Variants in FNIP1 observed in about 807,000 individuals in gnomAD.
FNIP1 encodes folliculin interacting protein 1.
FNIP1 carries 40 observed loss-of-function variants against 124.5 expected under a neutral mutation model. The observed-to-expected ratio is 0.32, with a 90% CI of 0.25 to 0.42. The LOEUF (loss-of-function observed/expected upper bound fraction) is 0.42. Ranked by LOEUF, FNIP1 falls within the 10% of genes least tolerant of loss-of-function variation. The probability of loss-of-function intolerance (pLI) is 1.00; values close to 1 mark genes in which losing one functional copy is unlikely to be tolerated. For missense variants in FNIP1, 1,176 were observed against 1,403.7 expected, an observed-to-expected ratio of 0.84 and a Z score of 2.59; for synonymous variants, 472 against 470.6, an observed-to-expected ratio of 1.00 and a Z score of -0.04.
chr5:131,651,807 T>C lies in FNIP1; in HGVS notation c.3301A>G (p.Asn1101Asp). 1 of 1,613,966 alleles carries C rather than the reference T, an allele frequency of 6.2e-7. No homozygotes were observed. The highest frequency in any genetic ancestry group is 1.3e-5 in the African/African-American group (1 of 75,050). Reference protein sequence around the residue: ...LQLYKHNLSPNFCVMHLEDRL... With the variant: ...LQLYKHNLSPDFCVMHLEDRL... ...GCAGTGTTACACATACTTACAAAAT[T>C]TGGAGACAAGTTATGCTTATAAAGC... The change falls in exon 16 of 18, where the codon AAT (asparagine) becomes GAT (aspartate). Residue 1101 changes from asparagine (N) to aspartate (D), a missense_variant. By Grantham distance (23) the Asn-to-Asp change is conservative (BLOSUM62 1). Coordinates refer to ENST00000510461, the MANE Select transcript of FNIP1 (RefSeq NM_133372.3).
Position 131,703,998 on chromosome 5 carries a change from A to C in FNIP1, c.1116+67T>G, listed in dbSNP as rs1768989015. 3 of 1,320,598 alleles carry C rather than the reference A, an allele frequency of 2.3e-6. No individual in the cohort carries two copies. In the East Asian group the frequency reaches 7.5e-5, roughly 33 times the overall value. The allele number at this position is 1,320,598 out of a possible 1,614,324, so 81.8% of individuals were successfully genotyped here. A position where few individuals can be genotyped will look rare whatever the true frequency, so the allele number is the denominator to read the frequency against. Reference sequence around the variant, plus strand: ...TGTTAATTTTTCTGCCAAATTAATAAATATAATGCTTAATTGGGAGAATAA... The same window carrying C: ...TGTTAATTTTTCTGCCAAATTAATACATATAATGCTTAATTGGGAGAATAA... On this transcript the variant is annotated intron_variant, in intron 10 of 17. Coordinates refer to ENST00000510461, the MANE Select transcript of FNIP1 (RefSeq NM_133372.3).
chr5:131,688,702 T>TA (rs61408307), intron 11 of FNIP1, among the ~76,000 whole-genome samples: 84,002 of 130,160 alleles, frequency 0.65, 28,066 homozygotes, highest in Non-Finnish European at 0.76. Context: ...TGCTAGCAAT[T>TA]AAAAAAAAAA....
At chr5:131,772,785 C>T (rs1414982083) in intron 1 of FNIP1, among the ~76,000 whole-genome samples, 1 of 152,140 alleles carries the variant, frequency 6.6e-6, no homozygotes, top group Non-Finnish European at 1.5e-5. Flanking sequence ...CATGACCCTG[C>T]CCTCTCTAAC....
At chr5:131,767,710 GTA>G (rs1160753607) in intron 1 of FNIP1, among the ~76,000 whole-genome samples, 1 of 152,120 alleles carries the variant, frequency 6.6e-6, no homozygotes, top group Non-Finnish European at 1.5e-5. Flanking sequence ...CTGGAAGCCT[GTA>G]TATATAGTAA....
rs570093620 is a variant in FNIP1, at chr5:131,760,365, T to C, written c.93-15675A>G. On this transcript the variant is annotated intron_variant, in intron 1 of 17. Coordinates refer to ENST00000510461, the MANE Select transcript of FNIP1 (RefSeq NM_133372.3). ...GTTTGTATCTCAATACATTAAAAAT[T>C]GTCACCTATAAGGAAAATACCGAAA... 8.4e-4 allele frequency among the ~76,000 whole-genome samples: 128 copies of C among 152,306 alleles called. 1 individual carries two copies. In the South Asian group the frequency reaches 0.024, roughly 29 times the overall value.
chr5:131,771,358 A>T (rs1456275922), intron 1 of FNIP1, among the ~76,000 whole-genome samples: 1 of 152,178 alleles, frequency 6.6e-6, no homozygotes, highest in African/African-American at 2.4e-5. Context: ...AATAACCATC[A>T]TACTCTTAAG....
intron 1 of FNIP1, among the ~76,000 whole-genome samples, chr5:131,787,712 G>C (rs1208670312): frequency 1.3e-5 from 2 of 152,182 alleles, no homozygotes; most frequent in African/African-American, 4.8e-5. Flanking sequence ...TAGGTGTAAA[G>C]CACATAAAAC....
intron 2 of FNIP1, among the ~76,000 whole-genome samples, chr5:131,734,614 GAAAA>G (rs1373021773): frequency 2.0e-5 from 3 of 151,490 alleles, no homozygotes; most frequent in Non-Finnish European, 4.4e-5. Context: ...AAATTTACAA[GAAAA>G]AAAACAAACA....
At chr5:131,732,071 C>T (rs1770113711) in intron 2 of FNIP1, among the ~76,000 whole-genome samples, 1 of 151,998 alleles carries the variant, frequency 6.6e-6, no homozygotes, top group South Asian at 2.1e-4. Context: ...TCTCTTTTTC[C>T]TCCCCAACAG....
At chr5:131,779,794 T>C (rs1200516609) in intron 1 of FNIP1, among the ~76,000 whole-genome samples, 1 of 150,214 alleles carries the variant, frequency 6.7e-6, no homozygotes, top group Non-Finnish European at 1.5e-5. Flanking sequence ...ATATTTAAAA[T>C]AAGGTGGGGG....
intron 10 of FNIP1, among the ~76,000 whole-genome samples, chr5:131,699,989 CTTTTT>C (rs202023474): frequency 8.0e-6 from 1 of 124,528 alleles, no homozygotes; most frequent in Non-Finnish European, 1.7e-5. Context: ...GTAATATTTG[CTTTTT>C]TTTTTTTTTA....
chr5:131,722,935 T>C lies in FNIP1; in HGVS notation c.355-3518A>G, dbSNP rs559992747. ...TCTTGACCTCGTGATCCACCTACCT[T>C]GGCCTCCCAAAGTGCTGGGATTACA... On this transcript the variant is annotated intron_variant, in intron 3 of 17. Coordinates refer to ENST00000510461, the MANE Select transcript of FNIP1 (RefSeq NM_133372.3). Among the ~76,000 whole-genome samples the C allele has an allele frequency of 7.2e-5, 11 of 152,262 alleles. No homozygotes were observed. In the East Asian group the frequency reaches 1.7e-3, roughly 24 times the overall value.
At chr5:131,793,808 A>G (rs1183111207) in intron 1 of FNIP1, among the ~76,000 whole-genome samples, 1 of 152,194 alleles carries the variant, frequency 6.6e-6, no homozygotes, top group East Asian at 1.9e-4. Flanking sequence ...ATGGCTAACT[A>G]CACCCAAGCC....
intron 11 of FNIP1, among the ~76,000 whole-genome samples, chr5:131,687,814 G>A (rs187778378): frequency 4.1e-4 from 62 of 152,228 alleles, no homozygotes; most frequent in Non-Finnish European, 7.6e-4. Context: ...TAGTCTTAGG[G>A]AGACCTCCCC....
intron 15 of FNIP1, among the ~76,000 whole-genome samples, chr5:131,652,375 A>G (rs572668284): frequency 6.6e-6 from 1 of 152,284 alleles, no homozygotes; most frequent in South Asian, 2.1e-4. Flanking sequence ...TTTTATTTTC[A>G]GACAGAGTCT....
Position 131,642,122 on chromosome 5 carries a change from C to A in FNIP1, c.*2563G>T. On this transcript the variant is annotated 3_prime_UTR_variant, in exon 18 of 18. Coordinates refer to ENST00000510461, the MANE Select transcript of FNIP1 (RefSeq NM_133372.3). The stretch of plus-strand genomic sequence containing the variant: ...CTTTTTTATTTCCTGTTTCAATAAA[C>A]AGGTTTTTTTTGATATGTAACAACT... The A allele has an allele frequency of 1.3e-5, 2 of 152,560 alleles. No individual in the cohort carries two copies. The allele number at this position is 152,560 out of a possible 1,614,324, so 9.5% of individuals were successfully genotyped here. A position where few individuals can be genotyped will look rare whatever the true frequency, so the allele number is the denominator to read the frequency against.
At chr5:131,754,393 C>T (rs115992987) in intron 1 of FNIP1, among the ~76,000 whole-genome samples, 202 of 152,224 alleles carry the variant, frequency 1.3e-3, no homozygotes, top group African/African-American at 3.6e-3. Flanking sequence ...AAATCATAAA[C>T]GACATACAAT....
At chr5:131,733,920 C>G (rs550896870) in intron 2 of FNIP1, among the ~76,000 whole-genome samples, 13 of 152,240 alleles carry the variant, frequency 8.5e-5, no homozygotes, top group South Asian at 8.3e-4. Flanking sequence ...GCTCCTCCTT[C>G]TACCTCTGGT....
At position 131,719,065 on chromosome 5, in the gene FNIP1, G is replaced by A. The variant is rs1769567213; in HGVS notation, c.456-5C>T. The A allele has an allele frequency of 3.1e-6, 5 of 1,612,730 alleles. No homozygotes were observed. In the East Asian group the frequency reaches 1.1e-4, roughly 36 times the overall value. Reference sequence around the variant, plus strand: ...AGCATGAGCTGTGGAGGGGAACTATGAAGAAAAAGAGAAAGAGAGAGACCA... The same window carrying A: ...AGCATGAGCTGTGGAGGGGAACTATAAAGAAAAAGAGAAAGAGAGAGACCA... On this transcript the variant is annotated splice_polypyrimidine_tract_variant and splice_region_variant and intron_variant, in intron 4 of 17. Coordinates refer to ENST00000510461, the MANE Select transcript of FNIP1 (RefSeq NM_133372.3).
Sources: allele counts gnomAD v4.1 joint callset (sites outside exome capture counted in the v4.1 genomes callset), GRCh38; gene constraint gnomAD v4.1.1; transcripts MANE v1.5; gene names NCBI Gene and HGNC (gene_info 2026-07-23, HGNC 2026-07-21).